AKAIN1: variants seen among roughly 807,000 people sequenced by gnomAD.
AKAIN1 encodes A-kinase anchor inhibitor 1.
In AKAIN1, 3 loss-of-function variants were observed where a neutral mutation model predicts 3.7. That is an observed-to-expected ratio of 0.82 (90% CI 0.37 to 2.12). The LOEUF (loss-of-function observed/expected upper bound fraction) is 2.12, where lower values mean the gene tolerates loss of function less well. Among genes scored for constraint, AKAIN1 ranks in the 30% most tolerant of loss-of-function variants. The probability of loss-of-function intolerance (pLI) is 0.06; values close to 1 mark genes in which losing one functional copy is unlikely to be tolerated. For synonymous variants in AKAIN1, 31 were observed against 30.8 expected, an observed-to-expected ratio of 1.01 and a Z score of -0.02; for missense variants, 82 against 82.7, an observed-to-expected ratio of 0.99 and a Z score of 0.03.
At chr18:5,146,168 T>C (rs2071048263) in intron 1 of AKAIN1, among the ~76,000 whole-genome samples, 1 of 152,236 alleles carries the variant, frequency 6.6e-6, no homozygotes, top group Non-Finnish European at 1.5e-5. Flanking sequence ...GTTGTTTGAA[T>C]CCTAGGATCC....
intron 1 of AKAIN1, among the ~76,000 whole-genome samples, chr18:5,196,809 C>A (rs1265986446): frequency 6.6e-6 from 1 of 152,080 alleles, no homozygotes; most frequent in African/African-American, 2.4e-5. Flanking sequence ...AGAGAAGCAG[C>A]GGGACGAGGG....
chr18:5,184,328 T>C (rs2071275337), intron 1 of AKAIN1, among the ~76,000 whole-genome samples: 1 of 152,064 alleles, frequency 6.6e-6, no homozygotes, highest in African/African-American at 2.4e-5. Flanking sequence ...AACATAGTAC[T>C]AGAAGTCCTA....
chr18:5,149,770 G>C (rs2071069989), intron 1 of AKAIN1, among the ~76,000 whole-genome samples: 1 of 152,184 alleles, frequency 6.6e-6, no homozygotes. Context: ...GAAAGAGAGA[G>C]CCTAATAGAC....
intron 1 of AKAIN1, among the ~76,000 whole-genome samples, chr18:5,173,097 T>C (rs920646858): frequency 6.6e-6 from 1 of 152,198 alleles, no homozygotes; most frequent in Non-Finnish European, 1.5e-5. Flanking sequence ...TAAATGGTAC[T>C]AATTACTAAT....
intron 1 of AKAIN1, among the ~76,000 whole-genome samples, chr18:5,168,015 T>C (rs1242379359): frequency 6.6e-6 from 1 of 152,122 alleles, no homozygotes; most frequent in Non-Finnish European, 1.5e-5. Flanking sequence ...ATGGGCTGGC[T>C]GTGGAAGAAA....
At chr18:5,158,668 G>T (rs906032) in intron 1 of AKAIN1, among the ~76,000 whole-genome samples, 9,283 of 152,134 alleles carry the variant, frequency 0.061, 857 homozygotes, top group African/African-American at 0.2. Flanking sequence ...TGTTCCTGTT[G>T]GTCAACCATT....
At chr18:5,174,394 G>A (rs1399081081) in intron 1 of AKAIN1, among the ~76,000 whole-genome samples, 1 of 152,150 alleles carries the variant, frequency 6.6e-6, no homozygotes, top group Non-Finnish European at 1.5e-5. Context: ...TGATGGCAAA[G>A]AGTGGTAAGC....
intron 1 of AKAIN1, among the ~76,000 whole-genome samples, chr18:5,152,848 G>A (rs58111908): frequency 0.042 from 6,348 of 152,200 alleles, 463 homozygotes; most frequent in African/African-American, 0.14. Flanking sequence ...GGAGGGAGAC[G>A]GGCGATGGCG....
Position 5,145,463 on chromosome 18 carries a change from G to A in AKAIN1, c.*99C>T. 1.1e-6 allele frequency: 1 copy of A among 934,664 alleles called. No individual in the cohort carries two copies. The allele number at this position is 934,664 out of a possible 1,614,324, so 57.9% of individuals were successfully genotyped here. On this transcript the variant is annotated 3_prime_UTR_variant, in exon 2 of 2. Coordinates refer to ENST00000434239, the MANE Select transcript of AKAIN1 (RefSeq NM_001145194.2). ...ATTCATTCTACAGCTAGGTGCCGGT[G>A]ACACTTCGGTTTGCTTTACTGGCAA...
chr18:5,160,265 A>G (rs437503), intron 1 of AKAIN1, among the ~76,000 whole-genome samples: 10,547 of 152,224 alleles, frequency 0.069, 988 homozygotes, highest in African/African-American at 0.21. Context: ...ATGTGTCATC[A>G]TTTTAAAAGT....
chr18:5,172,158 G>A (rs1474684411), intron 1 of AKAIN1, among the ~76,000 whole-genome samples: 2 of 152,142 alleles, frequency 1.3e-5, no homozygotes. Context: ...TGAACTCTTG[G>A]AGACAGAGAG....
At chr18:5,148,189 T>G (rs75665324) in intron 1 of AKAIN1, among the ~76,000 whole-genome samples, 1 of 152,180 alleles carries the variant, frequency 6.6e-6, no homozygotes, top group Non-Finnish European at 1.5e-5. Flanking sequence ...AACTCAAAAA[T>G]AGGACAGCTC....
At chr18:5,166,945 A>C (rs879550047) in intron 1 of AKAIN1, among the ~76,000 whole-genome samples, 4 of 152,102 alleles carry the variant, frequency 2.6e-5, no homozygotes, top group Non-Finnish European at 5.9e-5. Context: ...GGCTTGGGTG[A>C]CAGTGACTAG....
At chr18:5,191,697 A>G (rs947842890) in intron 1 of AKAIN1, among the ~76,000 whole-genome samples, 2 of 152,160 alleles carry the variant, frequency 1.3e-5, no homozygotes, top group African/African-American at 4.8e-5. Flanking sequence ...TTGAAAAAAA[A>G]AAGTTGGAGG....
At chr18:5,159,005 G>A (rs397175) in intron 1 of AKAIN1, among the ~76,000 whole-genome samples, 15,725 of 152,188 alleles carry the variant, frequency 0.1, 937 homozygotes, top group Non-Finnish European at 0.14. Flanking sequence ...CTCCAGCCAT[G>A]AGTTCCCTAT....
At chr18:5,166,588 A>G (rs1359696648) in intron 1 of AKAIN1, among the ~76,000 whole-genome samples, 1 of 152,122 alleles carries the variant, frequency 6.6e-6, no homozygotes, top group Non-Finnish European at 1.5e-5. Context: ...TCAATGATAA[A>G]TATGCAGAAG....
rs559637988 is a variant in AKAIN1 at position 5,143,057 on chromosome 18, C to G, written c.*2505G>C. Reference sequence around the variant, plus strand: ...CACAGAGATGGGAAGCCTGTGTATGCAGTAAATCAGAAAGATAAAGGACAC... The same window carrying G: ...CACAGAGATGGGAAGCCTGTGTATGGAGTAAATCAGAAAGATAAAGGACAC... On this transcript the variant is annotated 3_prime_UTR_variant, in exon 2 of 2. Coordinates refer to ENST00000434239, the MANE Select transcript of AKAIN1 (RefSeq NM_001145194.2). 6.6e-6 allele frequency among the ~76,000 whole-genome samples: 1 copy of G among 152,270 alleles called. No individual in the cohort carries two copies. The highest frequency in any genetic ancestry group is 2.1e-4 in the South Asian group (1 of 4,820).
chr18:5,153,146 T>C (rs2071088679), intron 1 of AKAIN1, among the ~76,000 whole-genome samples: 1 of 152,214 alleles, frequency 6.6e-6, no homozygotes, highest in South Asian at 2.1e-4. Context: ...AAAGCTTTTA[T>C]GTGCAGAGCT....
Position 5,174,122 on chromosome 18 carries a change from G to T in AKAIN1, c.16+22916C>A, listed in dbSNP as rs2071212718. Among the ~76,000 whole-genome samples, 4 of 152,168 alleles carry T rather than the reference G, an allele frequency of 2.6e-5. No homozygotes were observed. In the South Asian group the frequency reaches 8.3e-4, roughly 32 times the overall value. ...ATCCTTTTTTAAGACTTTCAAACTT[G>T]CAGGGAAGTTGCAGTCATGCTGCGG... On this transcript the variant is annotated intron_variant, in intron 1 of 1. Coordinates refer to ENST00000434239, the MANE Select transcript of AKAIN1 (RefSeq NM_001145194.2).
Sources: gnomAD v4.1 joint callset for allele counts (sites outside exome capture counted in the v4.1 genomes callset) on GRCh38, gnomAD v4.1.1 for gene constraint, MANE v1.5 for transcripts, NCBI Gene and HGNC (gene_info 2026-07-23, HGNC 2026-07-21) for gene names.